Variants in STRN3 observed in about 807,000 individuals in gnomAD.
STRN3 encodes the protein striatin 3, also known as striatin-3.
In STRN3, 29 loss-of-function variants were observed where a neutral mutation model predicts 95.6. The ratio of observed to expected loss-of-function variants is 0.30; its 90% CI spans 0.23 to 0.41. STRN3 has a LOEUF of 0.41. Ranked by LOEUF, STRN3 falls within the 10% of genes least tolerant of loss-of-function variation. The pLI is 1.00. For missense variants in STRN3, 890 were observed against 972.1 expected (o/e 0.92, Z 1.12); for synonymous variants, 331 against 357.6 (o/e 0.93, Z 0.84).
At chr14:31,007,176 A>G (rs1157514040) in intron 1 of STRN3, among the ~76,000 whole-genome samples, 1 of 152,224 alleles carries the variant, frequency 6.6e-6, no homozygotes, top group Non-Finnish European at 1.5e-5. Context: ...GTCCAATAAA[A>G]AGAGATTTCC....
At chr14:30,985,306 CAAA>C (rs60601878) in intron 1 of STRN3, among the ~76,000 whole-genome samples, 1 of 128,144 alleles carries the variant, frequency 7.8e-6, no homozygotes. Flanking sequence ...AAAACTCCGC[CAAA>C]AAAAAAAAAA....
intron 13 of STRN3, among the ~76,000 whole-genome samples, chr14:30,909,069 G>A (rs1279777080): frequency 6.6e-6 from 1 of 152,192 alleles, no homozygotes; most frequent in African/African-American, 2.4e-5. Flanking sequence ...AGGACTGAAT[G>A]TTCTGAATGT....
intron 1 of STRN3, among the ~76,000 whole-genome samples, chr14:31,011,660 T>C (rs1438170313): frequency 6.7e-6 from 1 of 150,100 alleles, no homozygotes; most frequent in Non-Finnish European, 1.5e-5. Flanking sequence ...TAAAATAAAA[T>C]TGCAAAACAT....
intron 6 of STRN3, 126 bp downstream of exon 6, chr14:30,936,369 A>C: frequency 1.8e-6 from 2 of 1,118,584 alleles, no homozygotes; most frequent in Middle Eastern, 3.1e-4. Flanking sequence ...TGACCACATA[A>C]AACTTTTAAC....
At position 30,947,216 on chromosome 14, in the gene STRN3, G is replaced by A; in HGVS notation, c.590C>T (p.Ser197Phe). The A allele has an allele frequency of 6.2e-7, 1 of 1,611,614 alleles. No homozygotes were observed. The highest frequency in any genetic ancestry group is 1.1e-5 in the South Asian group (1 of 90,554). ...TCCAAGTAATGACCTTACCCGCTGA[G>A]ACCGTACATCTAATATTGTATCTGT... Reference protein sequence around the residue: ...GYTDTILDVRSQRVRSLLGLS... With the variant: ...GYTDTILDVRFQRVRSLLGLS... Residue 197 changes from serine (S) to phenylalanine (F), a missense_variant, in exon 5 of 18, where the codon TCT becomes TTT. Physicochemically the swap from Ser to Phe is radical, Grantham distance 155. Transcript: ENST00000357479.
At chr14:31,021,996 C>G (rs1359891697) in intron 1 of STRN3, among the ~76,000 whole-genome samples, 5 of 152,070 alleles carry the variant, frequency 3.3e-5, no homozygotes, top group Non-Finnish European at 5.9e-5. Context: ...ATTTTTTTAA[C>G]TATTATCACC....
chr14:30,935,217 C>T lies in STRN3; in HGVS notation c.934G>A (p.Glu312Lys). 2 of 1,614,154 alleles carry T rather than the reference C, an allele frequency of 1.2e-6. No individual in the cohort carries two copies. Among genetic ancestry groups the T allele is most frequent in the Non-Finnish European group, 1.7e-6 (2 of 1,180,004 alleles). ...LKEFDFLVTA[E>K]DGEGAGEARS... ...GCTTCTCCAGCTCCTTCACCATCTTCAGCAGTCACTAAAAAATCAAATTCT... is the reference window on the plus strand; with the variant it reads ...GCTTCTCCAGCTCCTTCACCATCTTTAGCAGTCACTAAAAAATCAAATTCT... Residue 312 changes from glutamate (E) to lysine (K), a missense_variant, in exon 7 of 18, where the codon GAA (glutamate) becomes AAA (lysine). Glu to Lys is a moderately conservative substitution (Grantham distance 56). Around this residue, in one of 3 missense-constraint regions of STRN3, gnomAD observed 526 missense variants for 526.3 expected, o/e 1.00. Transcript: ENST00000357479.
chr14:30,976,446 C>T (rs1881108534), intron 1 of STRN3, among the ~76,000 whole-genome samples: 1 of 152,146 alleles, frequency 6.6e-6, no homozygotes, highest in African/African-American at 2.4e-5. Context: ...CAACACTCCT[C>T]TACCAGTAAC....
At chr14:31,025,464 C>A (rs1883777403) in intron 1 of STRN3, 1 of 166,000 alleles carries the variant, frequency 6.0e-6, no homozygotes, top group Admixed American at 6.1e-5. Flanking sequence ...GGGGGGTGGT[C>A]CGGAAAAGGG....
intron 11 of STRN3, 53 bp downstream of exon 11, chr14:30,911,954 C>T (rs1303464257): frequency 1.3e-6 from 2 of 1,580,372 alleles, no homozygotes; most frequent in African/African-American, 2.7e-5. Flanking sequence ...GGAATAATTA[C>T]TTATATTAGC....
chr14:30,955,764 A>C, intron 2 of STRN3, 71 bp from the exon 3 acceptor site: 1 of 1,233,172 alleles, frequency 8.1e-7, no homozygotes, highest in Non-Finnish European at 1.1e-6. Context: ...ATATTACTCC[A>C]ATAACAAAAC....
In STRN3 at chr14:30,913,538, C is replaced by G; in HGVS notation, c.1360G>C (p.Asp454His). Residue 454 changes from aspartate to histidine, a missense_variant, in exon 10 of 18, where the codon GAC (aspartate) becomes CAC (histidine). This residue lies in a region of STRN3 where 357 missense variants were observed against 422.8 expected (regional missense o/e 0.84). Coordinates refer to ENST00000357479, the MANE Select transcript of STRN3 (RefSeq NM_001083893.2). The part of the protein sequence containing the change: ...LADLTVTNDA[D>H]YSYDLPANKD... ...ACTGCACTTACATCATAACTATAGT[C>G]TGCATCATTTGTTACCGTCAAGTCT... The G allele has an allele frequency of 6.2e-7, 1 of 1,612,358 alleles. No homozygotes were observed. The highest frequency in any genetic ancestry group is 8.5e-7 in the Non-Finnish European group (1 of 1,179,084).
chr14:30,961,329 A>G (rs1472696844), intron 1 of STRN3, among the ~76,000 whole-genome samples: 2 of 152,218 alleles, frequency 1.3e-5, no homozygotes, highest in African/African-American at 2.4e-5. Context: ...AAAAGACAAG[A>G]GACAAAGAAC....
chr14:30,894,914 A>C lies in STRN3; in HGVS notation c.*497T>G. 1 of 1,099,550 alleles carries C rather than the reference A, an allele frequency of 9.1e-7. No individual in the cohort carries two copies. The highest frequency in any genetic ancestry group is 3.5e-5 in the Admixed American group (1 of 28,292). 68.1% of individuals were successfully genotyped at this position (1,099,550 alleles called of 1,614,324 possible). A position where few individuals can be genotyped will look rare whatever the true frequency, so the allele number is the denominator to read the frequency against. Reference sequence around the variant, plus strand: ...TTTTCTTTTTTTTTTTTTTTAAAGCAAAATAAGTTTAAAAGGGAATCTGTG... The same window carrying C: ...TTTTCTTTTTTTTTTTTTTTAAAGCCAAATAAGTTTAAAAGGGAATCTGTG... On this transcript the variant is annotated 3_prime_UTR_variant, in exon 18 of 18. Transcript: ENST00000357479.
intron 12 of STRN3, among the ~76,000 whole-genome samples, chr14:30,911,407 T>C (rs902168147): frequency 3.3e-5 from 5 of 150,914 alleles, no homozygotes; most frequent in Non-Finnish European, 7.4e-5. Context: ...GTTCGAGCGA[T>C]TCTCCTGCCT....
intron 5 of STRN3, among the ~76,000 whole-genome samples, chr14:30,946,648 C>G (rs560296045): frequency 1.3e-5 from 2 of 152,110 alleles, no homozygotes; most frequent in African/African-American, 4.8e-5. Context: ...TGGGAGGTGG[C>G]TAGGTCTTTA....
rs940981530 is a variant in STRN3 at position 30,935,410 on chromosome 14, G to C, written c.847-106C>G. ...TACACACCCATTTTAAAATTACTTG[G>C]ATCAAAAATTTTAGATCTCCTATGT... is the stretch of plus-strand genomic sequence containing the variant. On this transcript the variant is annotated intron_variant, in intron 6 of 17. Transcript: ENST00000357479. 3.9e-6 allele frequency: 5 copies of C among 1,293,116 alleles called. No individual in the cohort carries two copies. In the African/African-American group the frequency reaches 7.5e-5, roughly 19 times the overall value. The allele number at this position is 1,293,116 out of a possible 1,614,324, so 80.1% of individuals were successfully genotyped here. A position where few individuals can be genotyped will look rare whatever the true frequency, so the allele number is the denominator to read the frequency against.
intron 1 of STRN3, among the ~76,000 whole-genome samples, chr14:31,010,995 C>T (rs749047152): frequency 7.9e-5 from 12 of 152,172 alleles, no homozygotes; most frequent in Non-Finnish European, 1.5e-4. Flanking sequence ...GCCAAAATTG[C>T]GCCACTGCAC....
chr14:30,962,124 G>C (rs1385672513), intron 1 of STRN3, among the ~76,000 whole-genome samples: 1 of 151,976 alleles, frequency 6.6e-6, no homozygotes, highest in Non-Finnish European at 1.5e-5. Context: ...GCCTTACGTA[G>C]GCATAGGTTA....
Sources: gnomAD v4.1 joint callset for allele counts (sites outside exome capture counted in the v4.1 genomes callset) on GRCh38, gnomAD v4.1.1 for gene constraint, gnomAD v4.1.1 regional missense constraint, MANE v1.5 for transcripts, NCBI Gene and HGNC (gene_info 2026-07-23, HGNC 2026-07-21) for gene names.